Variants in OCA2 observed in about 807,000 individuals in gnomAD.
The protein encoded by OCA2 is P protein.
In OCA2, 77 loss-of-function variants were observed where a neutral mutation model predicts 100.2. The observed-to-expected ratio is 0.77, with a 90% CI of 0.64 to 0.93. The LOEUF (loss-of-function observed/expected upper bound fraction) is 0.93. Ranked by LOEUF, OCA2 falls within the 40% of genes least tolerant of loss-of-function variation. The pLI, the probability that OCA2 is intolerant of heterozygous loss-of-function variation, is 0.00. For missense variants in OCA2, 1,062 were observed against 1,089.1 expected (o/e 0.98, Z 0.35); for synonymous variants, 432 against 439.2 (o/e 0.98, Z 0.21).
intron 19 of OCA2, among the ~76,000 whole-genome samples, chr15:27,911,223 G>C (rs568181387): frequency 3.3e-5 from 5 of 151,968 alleles, no homozygotes; most frequent in South Asian, 2.1e-4. Flanking sequence ...GAAAAGAACA[G>C]CCTGCGGGCA....
rs539472276 is a variant in OCA2 at position 27,951,695 on chromosome 15, T to C, written c.1951+89A>G. 4.2e-5 allele frequency: 41 copies of C among 980,318 alleles called. 1 individual carries two copies. The South Asian group carries it at 4.9e-4, about 12-fold the overall frequency. The allele number at this position is 980,318 out of a possible 1,614,324, so 60.7% of individuals were successfully genotyped here. On this transcript the variant is annotated intron_variant, in intron 18 of 23. Coordinates refer to ENST00000354638, the MANE Select transcript of OCA2 (RefSeq NM_000275.3). ...GGCCTTCCACCAGCCCGGCTGCCTG[T>C]GGGCAAAGTCAGTGTCTGGGAACAG...
chr15:28,069,165 G>A (rs535371818), intron 2 of OCA2, among the ~76,000 whole-genome samples: 20 of 152,064 alleles, frequency 1.3e-4, no homozygotes, highest in African/African-American at 4.8e-4. Context: ...TCTCTTCACG[G>A]ACAATATGAT....
chr15:27,787,151 T>C (rs1045247234), intron 23 of OCA2, among the ~76,000 whole-genome samples: 2 of 152,166 alleles, frequency 1.3e-5, no homozygotes, highest in Non-Finnish European at 2.9e-5. Context: ...TTGGACATGA[T>C]AGTAATCCTT....
intron 14 of OCA2, among the ~76,000 whole-genome samples, chr15:27,974,935 C>T (rs1040466601): frequency 1.3e-5 from 2 of 152,220 alleles, no homozygotes; most frequent in Admixed American, 1.3e-4. Context: ...GTGTACTCAC[C>T]TCCAGGGTCC....
At chr15:27,778,813 C>T (rs937890694) in intron 23 of OCA2, among the ~76,000 whole-genome samples, 4 of 152,134 alleles carry the variant, frequency 2.6e-5, no homozygotes, top group Non-Finnish European at 5.9e-5. Flanking sequence ...AGACTTTCTA[C>T]GTTGATAGAA....
chr15:27,750,322 A>C (rs1027477624), downstream of OCA2, among the ~76,000 whole-genome samples: 3 of 152,204 alleles, frequency 2.0e-5, no homozygotes, highest in Non-Finnish European at 4.4e-5. Flanking sequence ...AAGGAAATGG[A>C]ATCTAAGTAT....
intron 23 of OCA2, among the ~76,000 whole-genome samples, chr15:27,794,668 T>C (rs2033247530): frequency 6.6e-6 from 1 of 152,054 alleles, no homozygotes; most frequent in Admixed American, 6.6e-5. Flanking sequence ...GAAAAGTATA[T>C]ACATGCATGA....
intron 15 of OCA2, among the ~76,000 whole-genome samples, chr15:27,964,916 G>C (rs2040516781): frequency 6.6e-6 from 1 of 152,180 alleles, no homozygotes; most frequent in African/African-American, 2.4e-5. Flanking sequence ...TTCCCTCGAA[G>C]CTTTTCTCTG....
chr15:27,866,214 T>C (rs1488509350), intron 21 of OCA2, among the ~76,000 whole-genome samples: 1 of 151,978 alleles, frequency 6.6e-6, no homozygotes, highest in Non-Finnish European at 1.5e-5. Flanking sequence ...TGGCTCCCAG[T>C]ACAGGGAAGG....
rs148076055 is a variant in OCA2 at position 27,900,432 on chromosome 15, C to T, written c.2079+25695G>A. On this transcript the variant is annotated intron_variant, in intron 19 of 23. Transcript: ENST00000354638. ...TGTTGTCTCATCCTTATGAGCGGCCCGTCCTGAATTTCTCTCTCTCTCAGG... is the reference window on the plus strand; with the variant it reads ...TGTTGTCTCATCCTTATGAGCGGCCTGTCCTGAATTTCTCTCTCTCTCAGG... 3.4e-3 allele frequency among the ~76,000 whole-genome samples: 515 copies of T among 152,248 alleles called. 2 individuals are homozygous for T. The highest frequency in any genetic ancestry group is 0.012 in the African/African-American group (495 of 41,530).
At chr15:27,741,107 T>TA in the OCA2 span, among the ~76,000 whole-genome samples, 1 of 152,232 alleles carries the variant, frequency 6.6e-6, no homozygotes, top group Non-Finnish European at 1.5e-5. Flanking sequence ...CAGGCCTGCT[T>TA]ACGGCGGAGG....
chr15:28,065,509 T>C (rs1419485459), intron 2 of OCA2, among the ~76,000 whole-genome samples: 1 of 152,162 alleles, frequency 6.6e-6, no homozygotes, highest in Non-Finnish European at 1.5e-5. Flanking sequence ...AATCCTTCAG[T>C]GAGCCCACAG....
chr15:27,824,349 C>T (rs530987907), intron 23 of OCA2, among the ~76,000 whole-genome samples: 1 of 151,578 alleles, frequency 6.6e-6, no homozygotes, highest in South Asian at 2.1e-4. Flanking sequence ...GCCTGGGCAA[C>T]AACTGTGAAA....
At chr15:27,846,374 C>T (rs994515888) in intron 22 of OCA2, among the ~76,000 whole-genome samples, 1 of 152,132 alleles carries the variant, frequency 6.6e-6, no homozygotes, top group Non-Finnish European at 1.5e-5. Context: ...CCCTGCTCAG[C>T]CCCAAGAATG....
chr15:27,922,044 G>T, intron 19 of OCA2, among the ~76,000 whole-genome samples: 1 of 152,292 alleles, frequency 6.6e-6, no homozygotes, highest in South Asian at 2.1e-4. Flanking sequence ...TACATTTACA[G>T]TACTGTACTG....
chr15:27,838,973 A>G (rs1030007263), intron 23 of OCA2, among the ~76,000 whole-genome samples: 2 of 152,224 alleles, frequency 1.3e-5, no homozygotes, highest in Non-Finnish European at 2.9e-5. Context: ...GATCTAAGAG[A>G]AACAAGCATA....
chr15:27,913,616 C>A (rs2038484339), intron 19 of OCA2, among the ~76,000 whole-genome samples: 1 of 151,442 alleles, frequency 6.6e-6, no homozygotes, highest in Admixed American at 6.6e-5. Context: ...GAAGAGACTG[C>A]TACAACCTGA....
the OCA2 span, among the ~76,000 whole-genome samples, chr15:27,727,624 T>G: frequency 6.6e-6 from 1 of 152,110 alleles, no homozygotes; most frequent in South Asian, 2.1e-4. Context: ...AGAAGGACAA[T>G]GAAGGCACGT....
chr15:27,964,573 CT>C (rs2040504152), intron 15 of OCA2, among the ~76,000 whole-genome samples: 1 of 152,184 alleles, frequency 6.6e-6, no homozygotes, highest in Non-Finnish European at 1.5e-5. Context: ...ATCAGGGCCC[CT>C]GCCAGTCCAT....
Sources: gnomAD v4.1 joint callset for allele counts (sites outside exome capture counted in the v4.1 genomes callset) on GRCh38, gnomAD v4.1.1 for gene constraint, MANE v1.5 for transcripts, NCBI Gene and HGNC (gene_info 2026-07-23, HGNC 2026-07-21) for gene names.